PRKDC: variants seen among roughly 807,000 people sequenced by gnomAD.
PRKDC encodes DNA-dependent protein kinase catalytic subunit.
A neutral mutation model predicts 486.9 loss-of-function variants in PRKDC; 82 were observed. The observed-to-expected ratio is 0.17, with a 90% CI of 0.14 to 0.20. The LOEUF (loss-of-function observed/expected upper bound fraction) is 0.20, where lower values mean the gene tolerates loss of function less well. Among genes scored for constraint, PRKDC ranks in the 10% least tolerant of loss-of-function variants. The probability of loss-of-function intolerance (pLI) is 1.00; values close to 1 mark genes in which losing one functional copy is unlikely to be tolerated. For synonymous variants in PRKDC, 1,895 were observed against 1,837.0 expected (o/e 1.03, Z -0.81); for missense variants, 4,504 against 5,038.2 (o/e 0.89, Z 3.21).
rs775940255 is a variant in PRKDC, at chr8:47,939,577, T to G, written c.1087A>C (p.Ile363Leu). ...CCTGCAAAAAGTCCATATCCACGGA[T>G]AGCAATAGATAACTCCTTGTTGTTC... ...DSNNKELSIA[I>L]RGYGLFAGPC... The change falls in exon 11 of 86, where the codon ATC (isoleucine) becomes CTC (leucine). Residue 363 changes from isoleucine to leucine, a missense_variant. Transcript: ENST00000314191. 6.8e-6 allele frequency: 11 copies of G among 1,613,776 alleles called. No individual in the cohort carries two copies. Among genetic ancestry groups the G allele is most frequent in the South Asian group, 6.6e-5 (6 of 91,058 alleles).
chr8:47,855,254 C>A lies in PRKDC; in HGVS notation c.6729G>T (p.Glu2243Asp). Residue 2243 changes from glutamate (E) to aspartate (D), a missense_variant, in exon 50 of 86, where the codon GAG becomes GAT. Coordinates refer to ENST00000314191, the MANE Select transcript of PRKDC (RefSeq NM_006904.7). The stretch of plus-strand genomic sequence containing the variant: ...GGATGGATAAACAATCCTTCCAGCA[C>A]TCGACAAGGGTCTTTATAATTTCAA... ...HNLEIIKTLV[E>D]CWKDCLSIPY... is the part of the protein sequence containing the mutation. The A allele has an allele frequency of 6.2e-7, 1 of 1,604,968 alleles. No homozygotes were observed. The highest frequency in any genetic ancestry group is 8.5e-7 in the Non-Finnish European group (1 of 1,175,298).
rs539767219 is a variant in PRKDC, at chr8:47,954,023, G to T, written c.509-104C>A. On this transcript the variant is annotated intron_variant, in intron 5 of 85. Transcript: ENST00000314191. ...ATAAAATAAAATAAAGTTCAAAATT[G>T]ATTTTACAGTAAGAGATATAAAATA... is the stretch of plus-strand genomic sequence containing the variant. 4.6e-6 allele frequency: 3 copies of T among 652,296 alleles called. No individual in the cohort carries two copies. The South Asian group carries it at 8.2e-5, about 18-fold the overall frequency. The allele number at this position is 652,296 out of a possible 1,614,324, so 40.4% of individuals were successfully genotyped here. A position where few individuals can be genotyped will look rare whatever the true frequency, so the allele number is the denominator to read the frequency against.
intron 30 of PRKDC, among the ~76,000 whole-genome samples, chr8:47,894,303 T>C (rs780127583): frequency 6.6e-6 from 1 of 152,120 alleles, no homozygotes; most frequent in Non-Finnish European, 1.5e-5. Flanking sequence ...AGAGAACATT[T>C]TGTATATTAA....
chr8:47,910,989 A>C (rs2089891155), intron 25 of PRKDC, among the ~76,000 whole-genome samples: 1 of 152,216 alleles, frequency 6.6e-6, no homozygotes. Flanking sequence ...ATTAATTCTT[A>C]GAGTTTATCA....
intron 68 of PRKDC, among the ~76,000 whole-genome samples, chr8:47,811,162 A>C (rs2087318132): frequency 1.3e-5 from 2 of 152,234 alleles, no homozygotes; most frequent in Admixed American, 1.3e-4. Context: ...ATGATAAAGA[A>C]AAAAAATCTT....
Position 47,950,935 on chromosome 8 carries a change from T to C in PRKDC, c.721+2685A>G, listed in dbSNP as rs530709592. Among the ~76,000 whole-genome samples, 67 of 152,280 alleles carry C rather than the reference T, an allele frequency of 4.4e-4. 3 individuals are homozygous for C. In the South Asian group the frequency reaches 0.014, roughly 31 times the overall value. On this transcript the variant is annotated intron_variant, in intron 7 of 85. Coordinates refer to ENST00000314191, the MANE Select transcript of PRKDC (RefSeq NM_006904.7). The stretch of plus-strand genomic sequence containing the variant: ...GACTGCAGTGAGCCATGATTGCATC[T>C]GTGAGTAGCCACTGTACTTTTGCCT...
intron 51 of PRKDC, among the ~76,000 whole-genome samples, chr8:47,853,800 A>C (rs973137883): frequency 6.6e-6 from 1 of 152,250 alleles, no homozygotes; most frequent in Admixed American, 6.5e-5. Flanking sequence ...TCTTCCAAAA[A>C]AATCTAAATC....
At chr8:47,794,605 G>C (rs772583691) in intron 73 of PRKDC, 104 bp from the exon 74 acceptor site, 2 of 1,049,156 alleles carry the variant, frequency 1.9e-6, no homozygotes, top group Non-Finnish European at 2.7e-6. Flanking sequence ...GTATAAAAAC[G>C]CAAGTACAAA....
At chr8:47,934,238 C>G (rs905540042) in intron 14 of PRKDC, 148 bp from the exon 15 acceptor site, 3 of 1,052,400 alleles carry the variant, frequency 2.9e-6, no homozygotes, top group Non-Finnish European at 3.9e-6. Flanking sequence ...ATTAAAAAAG[C>G]ATAATTTAAA....
intron 78 of PRKDC, 119 bp downstream of exon 78, chr8:47,783,623 A>G: frequency 1.0e-6 from 1 of 985,838 alleles, no homozygotes; most frequent in Non-Finnish European, 1.5e-6. Context: ...AAATATGCTA[A>G]ACTTGATATA....
intron 25 of PRKDC, among the ~76,000 whole-genome samples, chr8:47,910,508 C>T (rs564257102): frequency 1.3e-5 from 2 of 152,324 alleles, no homozygotes; most frequent in African/African-American, 4.8e-5. Context: ...CTAGCTCTCC[C>T]ACTGAGCCAT....
At chr8:47,828,467 T>C in intron 61 of PRKDC, 120 bp from the exon 62 acceptor site, 1 of 786,004 alleles carries the variant, frequency 1.3e-6, no homozygotes, top group Non-Finnish European at 1.9e-6. Flanking sequence ...TACCTCTCAA[T>C]TCTATTTGGA....
At chr8:47,919,702 A>G (rs1200906073) in intron 21 of PRKDC, among the ~76,000 whole-genome samples, 1 of 151,514 alleles carries the variant, frequency 6.6e-6, no homozygotes, top group Non-Finnish European at 1.5e-5. Context: ...CAGAGATGAT[A>G]AGAGAATCCA....
chr8:47,925,271 T>G (rs943132153), intron 21 of PRKDC, among the ~76,000 whole-genome samples: 1 of 152,098 alleles, frequency 6.6e-6, no homozygotes, highest in Non-Finnish European at 1.5e-5. Context: ...ACTGACCAAA[T>G]GGTTACAGTG....
intron 72 of PRKDC, among the ~76,000 whole-genome samples, chr8:47,798,653 G>A (rs1203394025): frequency 6.6e-6 from 1 of 152,112 alleles, no homozygotes; most frequent in African/African-American, 2.4e-5. Context: ...GGCAACTGGT[G>A]GTTATTGAAT....
chr8:47,936,551 T>C, intron 11 of PRKDC, 34 bp from the exon 12 acceptor site: 1 of 1,608,158 alleles, frequency 6.2e-7, no homozygotes, highest in Non-Finnish European at 8.5e-7. Context: ...TCTTCATCAA[T>C]CTTATCAAGA....
At chr8:47,945,245 T>C (rs1042996828) in intron 7 of PRKDC, among the ~76,000 whole-genome samples, 13 of 152,206 alleles carry the variant, frequency 8.5e-5, no homozygotes, top group Non-Finnish European at 1.5e-4. Flanking sequence ...TATCTGTTTT[T>C]TTCAATGTGG....
At chr8:47,894,737 A>G (rs2089541013) in intron 30 of PRKDC, among the ~76,000 whole-genome samples, 1 of 152,188 alleles carries the variant, frequency 6.6e-6, no homozygotes, top group Non-Finnish European at 1.5e-5. Context: ...CTGCTGCTAC[A>G]CAGTGAGCTA....
intron 30 of PRKDC, among the ~76,000 whole-genome samples, chr8:47,895,720 AG>A (rs2089564116): frequency 6.6e-6 from 1 of 152,182 alleles, no homozygotes; most frequent in African/African-American, 2.4e-5. Flanking sequence ...TAAAAAAAAA[AG>A]TTGTTAGCTA....
Sources: allele counts gnomAD v4.1 joint callset (sites outside exome capture counted in the v4.1 genomes callset), GRCh38; gene constraint gnomAD v4.1.1; transcripts MANE v1.5; gene names NCBI Gene and HGNC (gene_info 2026-07-23, HGNC 2026-07-21).